The following RASGRP3 variants were observed in gnomAD, a reference collection of about 807,000 sequenced individuals.
RASGRP3 encodes ras guanyl-releasing protein 3.
RASGRP3 carries 54 observed loss-of-function variants against 82.7 expected under a neutral mutation model. The ratio of observed to expected loss-of-function variants is 0.65; its 90% CI spans 0.52 to 0.82. The LOEUF (loss-of-function observed/expected upper bound fraction) is 0.82, where lower values mean the gene tolerates loss of function less well. RASGRP3 is among the 40% of genes least tolerant of loss of function. The probability of loss-of-function intolerance (pLI) is 0.00; values close to 1 mark genes in which losing one functional copy is unlikely to be tolerated. For missense variants in RASGRP3, 861 were observed against 828.9 expected, an observed-to-expected ratio of 1.04 and a Z score of -0.48; for synonymous variants, 309 against 300.5, an observed-to-expected ratio of 1.03 and a Z score of -0.29.
chr2:33,543,732 C>G lies in RASGRP3; in HGVS notation c.1394+105C>G, dbSNP rs536351876. 59 of 773,406 alleles carry G rather than the reference C, an allele frequency of 7.6e-5. No homozygotes were observed. In the African/African-American group the frequency reaches 1.0e-3, roughly 13 times the overall value. 47.9% of individuals were successfully genotyped at this position (773,406 alleles called of 1,614,324 possible). A position where few individuals can be genotyped will look rare whatever the true frequency, so the allele number is the denominator to read the frequency against. ...TAATTTGCATCTTGACAGCTTCAACCCTGGTGCTTTGATGAGCCAGGTTTA... is the reference window on the plus strand; with the variant it reads ...TAATTTGCATCTTGACAGCTTCAACGCTGGTGCTTTGATGAGCCAGGTTTA... On this transcript the variant is annotated intron_variant, in intron 13 of 17. Coordinates refer to ENST00000403687, the MANE Select transcript of RASGRP3 (RefSeq NM_001139488.2).
chr2:33,445,265 A>T (rs964996124), intron 1 of RASGRP3, among the ~76,000 whole-genome samples: 1 of 152,214 alleles, frequency 6.6e-6, no homozygotes, highest in African/African-American at 2.4e-5. Context: ...TGGCCCCACC[A>T]ATGGCAGAGA....
chr2:33,452,937 T>C lies in RASGRP3; in HGVS notation c.-261+4994T>C, dbSNP rs184257246. Among the ~76,000 whole-genome samples, 569 of 152,268 alleles carry C rather than the reference T, an allele frequency of 3.7e-3. 7 individuals are homozygous for C. The highest frequency in any genetic ancestry group is 0.013 in the African/African-American group (547 of 41,554). On this transcript the variant is annotated intron_variant, in intron 2 of 18. Transcript: ENST00000402538. The stretch of plus-strand genomic sequence containing the variant: ...TAGAGCCTGGGATCATGAGGGCTGC[T>C]CTGGCACTGGATTTCACTGAAGTGG...
At chr2:33,513,994 A>G (rs1230214145) in intron 2 of RASGRP3, 2 of 152,218 alleles carry the variant, frequency 1.3e-5, no homozygotes, top group Admixed American at 1.3e-4. Flanking sequence ...TCCTGACTCT[A>G]GGCCTTAATA....
At chr2:33,463,639 C>T (rs897598946) in intron 2 of RASGRP3, among the ~76,000 whole-genome samples, 2 of 149,766 alleles carry the variant, frequency 1.3e-5, no homozygotes, top group African/African-American at 2.5e-5. Context: ...CGCACTATCG[C>T]CCGGGCTAGA....
At chr2:33,463,160 G>A (rs1531125) in intron 2 of RASGRP3, among the ~76,000 whole-genome samples, 126,759 of 152,104 alleles carry the variant, frequency 0.83, 53,168 homozygotes, top group African/African-American at 0.92. Context: ...AGAAAGCTGT[G>A]TGTAAGTAAT....
intron 1 of RASGRP3, among the ~76,000 whole-genome samples, chr2:33,439,428 T>C (rs771328906): frequency 6.6e-6 from 1 of 152,056 alleles, no homozygotes; most frequent in Non-Finnish European, 1.5e-5. Context: ...GCTGTGAGCA[T>C]GAGCAGAGAC....
intron 1 of RASGRP3, among the ~76,000 whole-genome samples, chr2:33,494,627 T>G (rs2150965767): frequency 6.6e-6 from 1 of 152,302 alleles, no homozygotes. Context: ...GTGTGTGGAA[T>G]CTGAAAATGT....
At chr2:33,562,620 G>T in intron 17 of RASGRP3, 109 bp from the exon 18 acceptor site, 1 of 1,237,172 alleles carries the variant, frequency 8.1e-7, no homozygotes, top group Non-Finnish European at 1.2e-6. Flanking sequence ...ACAAGGTACT[G>T]ATCATTTCAG....
rs1477549183 is a variant in RASGRP3 at position 33,502,408 on chromosome 2, T to A, written c.-260-9302T>A. On this transcript the variant is annotated intron_variant, in intron 1 of 17. Coordinates refer to ENST00000403687, the MANE Select transcript of RASGRP3 (RefSeq NM_001139488.2). The stretch of plus-strand genomic sequence containing the variant: ...TTAATTTGCTCACACTTTAGTAAAT[T>A]ACAATTGATTAATTCCTCCTTTTAC... Among the ~76,000 whole-genome samples, 3 of 152,292 alleles carry A rather than the reference T, an allele frequency of 2.0e-5. No individual in the cohort carries two copies. In the East Asian group the frequency reaches 5.8e-4, roughly 29 times the overall value.
At chr2:33,448,942 A>C (rs1387599361) in intron 2 of RASGRP3, among the ~76,000 whole-genome samples, 1 of 152,282 alleles carries the variant, frequency 6.6e-6, no homozygotes, top group Non-Finnish European at 1.5e-5. Flanking sequence ...GGAACCAGAT[A>C]TAACCTTACA....
intron 9 of RASGRP3, among the ~76,000 whole-genome samples, 157 bp downstream of exon 9, chr2:33,524,705 C>T (rs549553101): frequency 5.3e-5 from 8 of 152,192 alleles, no homozygotes; most frequent in Non-Finnish European, 8.8e-5. Context: ...GGAATAACCA[C>T]ACCAGCTGAG....
chr2:33,488,566 A>T (rs1371397323), intron 1 of RASGRP3, among the ~76,000 whole-genome samples: 2 of 152,252 alleles, frequency 1.3e-5, no homozygotes, highest in African/African-American at 2.4e-5. Context: ...GCCTGTGTTC[A>T]TATTTATCCT....
intron 2 of RASGRP3, among the ~76,000 whole-genome samples, chr2:33,454,862 G>A (rs1434753219): frequency 6.6e-6 from 1 of 152,190 alleles, no homozygotes; most frequent in African/African-American, 2.4e-5. Context: ...GGATTTTCTG[G>A]TTCTATGTCC....
chr2:33,493,585 A>T (rs1669047009), intron 1 of RASGRP3, among the ~76,000 whole-genome samples: 1 of 136,042 alleles, frequency 7.4e-6, no homozygotes, highest in Admixed American at 7.5e-5. Flanking sequence ...GTTTGTGCCA[A>T]GACCCATTTA....
chr2:33,455,303 G>A (rs1179464694), intron 2 of RASGRP3, among the ~76,000 whole-genome samples: 1 of 152,160 alleles, frequency 6.6e-6, no homozygotes, highest in African/African-American at 2.4e-5. Flanking sequence ...TGATCATTGA[G>A]GTGAACTCAT....
intron 1 of RASGRP3, among the ~76,000 whole-genome samples, chr2:33,501,752 G>T (rs986445350): frequency 6.6e-6 from 1 of 152,182 alleles, no homozygotes; most frequent in African/African-American, 2.4e-5. Context: ...CATGAGAACC[G>T]TTGGCAGTTT....
intron 1 of RASGRP3, among the ~76,000 whole-genome samples, chr2:33,499,344 G>A (rs1382015729): frequency 6.6e-6 from 1 of 152,150 alleles, no homozygotes; most frequent in Non-Finnish European, 1.5e-5. Context: ...GATCGCCTGA[G>A]CTCAGGAGTT....
At chr2:33,495,727 T>TA (rs148121050) in intron 1 of RASGRP3, among the ~76,000 whole-genome samples, 9,260 of 152,190 alleles carry the variant, frequency 0.061, 332 homozygotes, top group South Asian at 0.13. Context: ...CTTCATCTCT[T>TA]AAAATAAAAA....
chr2:33,549,020 G>T (rs1675118506), intron 13 of RASGRP3, among the ~76,000 whole-genome samples: 1 of 152,116 alleles, frequency 6.6e-6, no homozygotes, highest in Non-Finnish European at 1.5e-5. Flanking sequence ...CAAGAAGTCA[G>T]CGTATGTGGT....
Sources: allele counts gnomAD v4.1 joint callset (sites outside exome capture counted in the v4.1 genomes callset), GRCh38; gene constraint gnomAD v4.1.1; transcripts MANE v1.5; gene names NCBI Gene and HGNC (gene_info 2026-07-23, HGNC 2026-07-21).